MINDY4: variants seen among roughly 807,000 people sequenced by gnomAD.
MINDY4 encodes MINDY lysine 48 deubiquitinase 4.
MINDY4 carries 68 observed loss-of-function variants against 87.0 expected under a neutral mutation model. The ratio of observed to expected loss-of-function variants is 0.78; its 90% CI spans 0.64 to 0.96. MINDY4 has a LOEUF of 0.96. MINDY4 is among the 40% of genes least tolerant of loss of function. MINDY4 has a pLI of 0.00. For missense variants in MINDY4, 919 were observed against 928.2 expected, an observed-to-expected ratio of 0.99 and a Z score of 0.13; for synonymous variants, 379 against 363.2, an observed-to-expected ratio of 1.04 and a Z score of -0.50.
chr7:30,801,051 C>T (rs1562535189), intron 5 of MINDY4, among the ~76,000 whole-genome samples: 2 of 152,184 alleles, frequency 1.3e-5, no homozygotes, highest in South Asian at 4.1e-4. Context: ...CCCAGGTCCT[C>T]TAGAGCCTCT....
At chr7:30,807,980 G>A (rs908209256) in intron 5 of MINDY4, among the ~76,000 whole-genome samples, 5 of 152,200 alleles carry the variant, frequency 3.3e-5, no homozygotes, top group African/African-American at 1.2e-4. Flanking sequence ...TTTGTCTGCG[G>A]CTTGTCCTGC....
chr7:30,860,130 G>A (rs1789704473), intron 13 of MINDY4, among the ~76,000 whole-genome samples: 1 of 152,184 alleles, frequency 6.6e-6, no homozygotes, highest in Admixed American at 6.5e-5. Flanking sequence ...GAGGGATGCA[G>A]GTGGGGTAGG....
chr7:30,875,458 A>G, intron 14 of MINDY4, 37 bp from the exon 15 acceptor site: 3 of 1,611,524 alleles, frequency 1.9e-6, no homozygotes, highest in Non-Finnish European at 2.5e-6. Flanking sequence ...TAACTGATTC[A>G]GACTTGATGA....
chr7:30,840,736 C>A, intron 8 of MINDY4, 24 bp from the exon 9 acceptor site: 2 of 1,610,698 alleles, frequency 1.2e-6, no homozygotes, highest in Non-Finnish European at 1.7e-6. Flanking sequence ...TTCTCACTGG[C>A]AGCAATGGTC....
At chr7:30,875,319 T>A (rs1790225397) in intron 14 of MINDY4, among the ~76,000 whole-genome samples, 176 bp from the exon 15 acceptor site, 1 of 152,252 alleles carries the variant, frequency 6.6e-6, no homozygotes, top group Admixed American at 6.5e-5. Flanking sequence ...GAAAAGTTGG[T>A]GCCTTTCCCA....
Position 30,785,947 on chromosome 7 carries a change from G to C in MINDY4, c.618G>C (p.Leu206=). 1 of 1,614,250 alleles carries C rather than the reference G, an allele frequency of 6.2e-7. No individual in the cohort carries two copies. The highest frequency in any genetic ancestry group is 1.1e-5 in the South Asian group (1 of 91,082). The change falls in exon 4 of 18, where the codon CTG becomes CTC. Residue 206 remains leucine (L), a synonymous_variant. Coordinates refer to ENST00000265299, the MANE Select transcript of MINDY4 (RefSeq NM_032222.3). Reference sequence around the variant, plus strand: ...AGAATTCCAGGCCAAAGTCTGGTCTGATTGTGCGAGGCATGATGTCTGGGC... The same window carrying C: ...AGAATTCCAGGCCAAAGTCTGGTCTCATTGTGCGAGGCATGATGTCTGGGC... ...MGENSRPKSG[L]IVRGMMSGPI... is the part of the protein sequence containing the mutation.
chr7:30,814,446 T>G (rs556691171), intron 5 of MINDY4, among the ~76,000 whole-genome samples: 186 of 152,344 alleles, frequency 1.2e-3, no homozygotes, highest in African/African-American at 4.0e-3. Flanking sequence ...TTTTTTATTT[T>G]TATCACGTCA....
chr7:30,793,436 G>A (rs1168256968), intron 5 of MINDY4, among the ~76,000 whole-genome samples: 3 of 137,700 alleles, frequency 2.2e-5, no homozygotes, highest in Non-Finnish European at 3.1e-5. Context: ...TTTTTTTGGA[G>A]ACAGGGTCTC....
chr7:30,823,871 A>C (rs1187438720), intron 5 of MINDY4, among the ~76,000 whole-genome samples: 7 of 152,170 alleles, frequency 4.6e-5, no homozygotes, highest in Non-Finnish European at 8.8e-5. Context: ...ATCTTGTTTG[A>C]ACTGGTTTGT....
intron 13 of MINDY4, among the ~76,000 whole-genome samples, chr7:30,861,825 G>A (rs1339882493): frequency 6.6e-6 from 1 of 152,234 alleles, no homozygotes; most frequent in African/African-American, 2.4e-5. Flanking sequence ...TGCCATCTCA[G>A]TAGGCACAGC....
chr7:30,771,474 GCAGAGC>G lies in MINDY4; in HGVS notation c.-5_1del, dbSNP rs539570513. On this transcript the variant is annotated 5_prime_UTR_variant, in exon 1 of 18. Transcript: ENST00000265299. ...CTGCGGCCCGGCGTGGGCCTCGTGG[GCAGAGC>G]CAGAGCCAGAGCCATGGACAGCCTC... 55 of 1,598,020 alleles carry G rather than the reference GCAGAGC, an allele frequency of 3.4e-5. No individual in the cohort carries two copies. The African/African-American group carries it at 5.7e-4, about 17-fold the overall frequency.
At chr7:30,806,029 AATG>A (rs1404129553) in intron 5 of MINDY4, among the ~76,000 whole-genome samples, 3 of 152,186 alleles carry the variant, frequency 2.0e-5, no homozygotes, top group African/African-American at 7.2e-5. Flanking sequence ...TGATGTCTGT[AATG>A]ATGGGCCCAG....
At position 30,771,442 on chromosome 7, in the gene MINDY4, C is replaced by G. The variant is rs1341461018; in HGVS notation, c.-52C>G. ...ATACTGCGCCGGACAGACCCAGTTG[C>G]CTGGTGCTGCGGCCCGGCGTGGGCC... On this transcript the variant is annotated 5_prime_UTR_variant, in exon 1 of 18. Coordinates refer to ENST00000265299, the MANE Select transcript of MINDY4 (RefSeq NM_032222.3). The G allele has an allele frequency of 2.5e-6, 4 of 1,569,676 alleles. No homozygotes were observed. Among genetic ancestry groups the G allele is most frequent in the Non-Finnish European group, 3.5e-6 (4 of 1,156,842 alleles).
At position 30,771,476 on chromosome 7, in the gene MINDY4, A is replaced by T. The variant is rs769049827; in HGVS notation, c.-18A>T. 1 of 1,597,932 alleles carries T rather than the reference A, an allele frequency of 6.3e-7. No homozygotes were observed. ...GCGGCCCGGCGTGGGCCTCGTGGGC[A>T]GAGCCAGAGCCAGAGCCATGGACAG... On this transcript the variant is annotated 5_prime_UTR_variant, in exon 1 of 18. Transcript: ENST00000265299.
chr7:30,858,669 A>G (rs780289944), intron 12 of MINDY4: 1 of 156,540 alleles, frequency 6.4e-6, no homozygotes, highest in African/African-American at 2.4e-5. Context: ...ATATATATAT[A>G]TAAATTTAAG....
At chr7:30,778,749 G>A (rs75849664) in intron 2 of MINDY4, among the ~76,000 whole-genome samples, 198 bp downstream of exon 2, 6 of 152,094 alleles carry the variant, frequency 3.9e-5, no homozygotes, top group Non-Finnish European at 7.4e-5. Flanking sequence ...AGCTGGTGCC[G>A]CCCATTGGCG....
intron 1 of MINDY4, among the ~76,000 whole-genome samples, chr7:30,775,404 G>A (rs1264781431): frequency 6.6e-6 from 1 of 152,194 alleles, no homozygotes; most frequent in African/African-American, 2.4e-5. Context: ...ACAGCCAGAT[G>A]GAAGAGATGC....
intron 6 of MINDY4, 26 bp from the exon 7 acceptor site, chr7:30,836,632 C>T (rs746420213): frequency 1.3e-6 from 2 of 1,579,892 alleles, no homozygotes; most frequent in South Asian, 1.1e-5. Flanking sequence ...TAACGAAGGG[C>T]TCACATGGCC....
chr7:30,853,999 G>A (rs1345889552), intron 12 of MINDY4, among the ~76,000 whole-genome samples: 1 of 152,204 alleles, frequency 6.6e-6, no homozygotes, highest in African/African-American at 2.4e-5. Flanking sequence ...CCAGAGGAGA[G>A]CTGTACATCC....
Sources: gnomAD v4.1 joint callset for allele counts (sites outside exome capture counted in the v4.1 genomes callset) on GRCh38, gnomAD v4.1.1 for gene constraint, MANE v1.5 for transcripts, NCBI Gene and HGNC (gene_info 2026-07-23, HGNC 2026-07-21) for gene names.